Variants in DYNC2I1 observed in about 807,000 individuals in gnomAD.
DYNC2I1 encodes cytoplasmic dynein 2 intermediate chain 1.
Under a neutral mutation model 133.4 loss-of-function variants are expected in DYNC2I1, and 89 were observed. That is an observed-to-expected ratio of 0.67 (90% CI 0.56 to 0.80). The LOEUF is 0.80. Among genes scored for constraint, DYNC2I1 ranks in the 30% least tolerant of loss-of-function variants. The pLI, the probability that DYNC2I1 is intolerant of heterozygous loss-of-function variation, is 0.00. For synonymous variants in DYNC2I1, 504 were observed against 484.3 expected, an observed-to-expected ratio of 1.04 and a Z score of -0.54; for missense variants, 1,291 against 1,314.5, an observed-to-expected ratio of 0.98 and a Z score of 0.28.
At chr7:158,924,742 TC>T (rs1849443858) in intron 17 of DYNC2I1, among the ~76,000 whole-genome samples, 1 of 152,192 alleles carries the variant, frequency 6.6e-6, no homozygotes, top group Non-Finnish European at 1.5e-5. Flanking sequence ...AATAAATTAT[TC>T]CATTAAAATA....
intron 11 of DYNC2I1, among the ~76,000 whole-genome samples, chr7:158,907,781 A>G (rs1026476256): frequency 6.8e-6 from 1 of 147,140 alleles, no homozygotes; most frequent in African/African-American, 2.5e-5. Flanking sequence ...GCTAATTTTT[A>G]TTTTTTTTTT....
chr7:158,943,628 G>A (rs1213795333), intron 24 of DYNC2I1, among the ~76,000 whole-genome samples: 4 of 152,154 alleles, frequency 2.6e-5, no homozygotes, highest in East Asian at 1.9e-4. Context: ...GGCGGGGACC[G>A]GAGGGTCTGA....
intron 11 of DYNC2I1, among the ~76,000 whole-genome samples, chr7:158,907,273 CT>C (rs36062364): frequency 0.023 from 2,276 of 99,742 alleles, 52 homozygotes; most frequent in African/African-American, 0.057. Flanking sequence ...CCATGGCCTT[CT>C]TTTTTTTTTT....
rs1202382814 is a variant in DYNC2I1, at chr7:158,869,777, G to A, written c.16-78G>A. 4 of 1,094,708 alleles carry A rather than the reference G, an allele frequency of 3.7e-6. No individual in the cohort carries two copies. The African/African-American group carries it at 4.8e-5, about 13-fold the overall frequency. 67.8% of individuals were successfully genotyped at this position (1,094,708 alleles called of 1,614,324 possible). The stretch of plus-strand genomic sequence containing the variant: ...GAATTAACTGCCATTGATTTAAATG[G>A]CATAATGAAAAAGCAGCTCACTACA... On this transcript the variant is annotated intron_variant, in intron 1 of 24. Transcript: ENST00000407559.
chr7:158,863,006 T>A (rs927756620), intron 1 of DYNC2I1, among the ~76,000 whole-genome samples: 2 of 151,198 alleles, frequency 1.3e-5, no homozygotes, highest in African/African-American at 4.9e-5. Flanking sequence ...TTACAGCTCA[T>A]AAAGGTAGCG....
At chr7:158,892,464 CAG>C (rs1234538733) in intron 8 of DYNC2I1, among the ~76,000 whole-genome samples, 2 of 151,806 alleles carry the variant, frequency 1.3e-5, no homozygotes, top group Non-Finnish European at 2.9e-5. Flanking sequence ...TATTTTGAGT[CAG>C]GGGCTCGCTC....
rs150548113 is a variant in DYNC2I1 at position 158,879,824 on chromosome 7, G to T, written c.714G>T (p.Glu238Asp). 9.9e-4 allele frequency: 1,601 copies of T among 1,612,946 alleles called. 3 individuals carry two copies. Among genetic ancestry groups the T allele is most frequent in the Admixed American group, 2.0e-3 (117 of 59,824 alleles). Residue 238 changes from glutamate to aspartate, a missense_variant, in exon 5 of 25, where the codon GAG becomes GAT. By Grantham distance (45) the Glu-to-Asp change is conservative. Coordinates refer to ENST00000407559, the MANE Select transcript of DYNC2I1 (RefSeq NM_018051.5). ...AAAGCAGCACAAGGGAAAAAAGAGA[G>T]AAATATTCCAAAGAGAAAAGTAATT... is the stretch of plus-strand genomic sequence containing the variant. ...REKSSTREKR[E>D]KYSKEKSNSF... is the part of the protein sequence containing the mutation.
chr7:158,953,771 GATGCATC>G (rs1482222836), intron 4 of DYNC2I1, among the ~76,000 whole-genome samples: 1 of 152,004 alleles, frequency 6.6e-6, no homozygotes, highest in African/African-American at 2.4e-5. Context: ...ATAAGTACCT[GATGCATC>G]ATAGGTTATA....
At chr7:158,941,595 A>G (rs1368683659) in intron 23 of DYNC2I1, among the ~76,000 whole-genome samples, 1 of 149,604 alleles carries the variant, frequency 6.7e-6, no homozygotes. Context: ...AAAAAACAAA[A>G]AAGAGGCTGG....
chr7:158,944,847 G>A (rs970640012), intron 24 of DYNC2I1, among the ~76,000 whole-genome samples: 2 of 152,158 alleles, frequency 1.3e-5, no homozygotes, highest in Admixed American at 1.3e-4. Flanking sequence ...CCCCAGCCAC[G>A]CCTGGAGTTG....
At chr7:158,851,454 G>T in the DYNC2I1 span, among the ~76,000 whole-genome samples, 1 of 149,188 alleles carries the variant, frequency 6.7e-6, no homozygotes, top group Non-Finnish European at 1.5e-5. Context: ...CCTAGGAGGC[G>T]GAGGTTGCAG....
chr7:158,846,115 T>C, the DYNC2I1 span, among the ~76,000 whole-genome samples: 1 of 152,032 alleles, frequency 6.6e-6, no homozygotes, highest in Non-Finnish European at 1.5e-5. Context: ...AAAAATTAGC[T>C]GGGCATGGTG....
At chr7:158,940,388 G>T (rs1282535288) in intron 23 of DYNC2I1, among the ~76,000 whole-genome samples, 1 of 152,134 alleles carries the variant, frequency 6.6e-6, no homozygotes, top group Non-Finnish European at 1.5e-5. Context: ...ATGCTCACTC[G>T]CCTGCTGCTC....
At chr7:158,957,574 G>A (rs925521608), downstream of DYNC2I1, among the ~76,000 whole-genome samples, 6 of 152,188 alleles carry the variant, frequency 3.9e-5, no homozygotes, top group African/African-American at 1.4e-4. Context: ...CACGTGCCAC[G>A]GGCTATGAGG....
chr7:158,896,592 C>T (rs1457860600), intron 8 of DYNC2I1, among the ~76,000 whole-genome samples: 1 of 152,110 alleles, frequency 6.6e-6, no homozygotes, highest in African/African-American at 2.4e-5. Context: ...ACCACCTTAG[C>T]CTCCTGAGTA....
rs1297330933 is a variant in DYNC2I1, at chr7:158,856,733, GC to G, written c.-2del. ...CCGCGGCCGCCCGGGCCTGCGGGAA[GC>G]GATGGAGCCCGGGAAGGTCGGTGCG... is the stretch of plus-strand genomic sequence containing the variant. On this transcript the variant is annotated 5_prime_UTR_variant, in exon 1 of 25. Coordinates refer to ENST00000407559, the MANE Select transcript of DYNC2I1 (RefSeq NM_018051.5). 5.7e-6 allele frequency: 7 copies of G among 1,234,632 alleles called. No individual in the cohort carries two copies. The allele number at this position is 1,234,632 out of a possible 1,614,324, so 76.5% of individuals were successfully genotyped here.
At chr7:158,941,901 A>G in intron 23 of DYNC2I1, 24 bp from the exon 24 acceptor site, 2 of 1,573,070 alleles carry the variant, frequency 1.3e-6, no homozygotes, top group South Asian at 2.3e-5. Flanking sequence ...CATGCTCAGC[A>G]GTGTTCTTTC....
At chr7:158,851,077 T>C in the DYNC2I1 span, among the ~76,000 whole-genome samples, 1 of 151,980 alleles carries the variant, frequency 6.6e-6, no homozygotes, top group African/African-American at 2.4e-5. Flanking sequence ...TTTAGAGCAA[T>C]TGGGTTTTGT....
intron 21 of DYNC2I1, among the ~76,000 whole-genome samples, chr7:158,931,495 A>G (rs971132940): frequency 1.3e-5 from 2 of 152,222 alleles, no homozygotes; most frequent in African/African-American, 4.8e-5. Context: ...GTTCCTGGGC[A>G]AGCCCCTGAC....
Sources: gnomAD v4.1 joint callset for allele counts (sites outside exome capture counted in the v4.1 genomes callset) on GRCh38, gnomAD v4.1.1 for gene constraint, MANE v1.5 for transcripts, NCBI Gene and HGNC (gene_info 2026-07-23, HGNC 2026-07-21) for gene names.